The following KIFAP3 variants were observed in gnomAD, a reference collection of about 807,000 sequenced individuals.
KIFAP3 encodes the protein kinesin associated protein 3.
A neutral mutation model predicts 106.5 loss-of-function variants in KIFAP3; 68 were observed. That is an observed-to-expected ratio of 0.64 (90% CI 0.53 to 0.78). The LOEUF (loss-of-function observed/expected upper bound fraction) is 0.78, where lower values mean the gene tolerates loss of function less well. Among genes scored for constraint, KIFAP3 ranks in the 30% least tolerant of loss-of-function variants. The pLI is 0.00. For synonymous variants in KIFAP3, 320 were observed against 311.5 expected (o/e 1.03, Z -0.29); for missense variants, 780 against 941.8 (o/e 0.83, Z 2.25).
intron 19 of KIFAP3, among the ~76,000 whole-genome samples, chr1:169,931,481 A>T (rs1441437748): frequency 2.0e-5 from 3 of 152,212 alleles, no homozygotes; most frequent in Non-Finnish European, 4.4e-5. Context: ...TTTTCTGGCA[A>T]TATTTTAATG....
At chr1:170,031,844 G>A (rs1209171990) in intron 8 of KIFAP3, 42 bp downstream of exon 8, 2 of 1,206,950 alleles carry the variant, frequency 1.7e-6, no homozygotes, top group Non-Finnish European at 1.2e-6. Context: ...TGTATTTGGA[G>A]TAAGTACTTT....
intron 8 of KIFAP3, among the ~76,000 whole-genome samples, chr1:170,030,905 T>C (rs761808153): frequency 1.3e-5 from 2 of 151,802 alleles, no homozygotes; most frequent in African/African-American, 2.4e-5. Flanking sequence ...TTTACATATG[T>C]TAAAATTTAT....
intron 10 of KIFAP3, among the ~76,000 whole-genome samples, chr1:170,010,486 T>C (rs184401161): frequency 7.4e-4 from 112 of 152,088 alleles, no homozygotes; most frequent in African/African-American, 2.4e-3. Context: ...GAGCCTTCCA[T>C]GGAAAAAGGG....
chr1:170,018,949 CTGATTCTT>C lies in KIFAP3; in HGVS notation c.1021-2333_1021-2326del, dbSNP rs1318222203. On this transcript the variant is annotated intron_variant, in intron 9 of 19. Transcript: ENST00000361580. ...CCAAAAATCAAACACAAAATAAGAG[CTGATTCTT>C]TGAAAATACCAAAGCAACTGATAAA... Among the ~76,000 whole-genome samples the C allele has an allele frequency of 1.2e-4, 18 of 152,146 alleles. No homozygotes were observed. In the East Asian group the frequency reaches 3.3e-3, roughly 28 times the overall value.
At chr1:169,944,338 T>G (rs1436969562) in intron 19 of KIFAP3, among the ~76,000 whole-genome samples, 2 of 152,158 alleles carry the variant, frequency 1.3e-5, no homozygotes, top group Admixed American at 1.3e-4. Context: ...CGCACGCAGC[T>G]TCTGCTCTGA....
intron 5 of KIFAP3, among the ~76,000 whole-genome samples, chr1:170,037,220 C>T (rs999465438): frequency 5.9e-5 from 9 of 152,142 alleles, no homozygotes; most frequent in Admixed American, 5.2e-4. Flanking sequence ...GAATTATCTA[C>T]TTCATAAAAG....
chr1:169,938,078 CTAGAAATATGATT>C (rs1663906546), intron 19 of KIFAP3, among the ~76,000 whole-genome samples: 1 of 151,792 alleles, frequency 6.6e-6, no homozygotes, highest in African/African-American at 2.4e-5. Context: ...AGTAGATGGA[CTAGAAATATGATT>C]TTACACACTT....
At chr1:170,079,766 T>C (rs1317089270) in intron 1 of KIFAP3, among the ~76,000 whole-genome samples, 3 of 152,174 alleles carry the variant, frequency 2.0e-5, no homozygotes, top group African/African-American at 7.2e-5. Flanking sequence ...TGGTTCCATA[T>C]GGACTTCAGG....
rs1056714537 is a variant in KIFAP3 at position 170,035,558 on chromosome 1, A to T, written c.518-5T>A. On this transcript the variant is annotated splice_polypyrimidine_tract_variant and splice_region_variant and intron_variant, in intron 5 of 19. Coordinates refer to ENST00000361580, the MANE Select transcript of KIFAP3 (RefSeq NM_014970.4). ...CTAATGCACCAAGGGCAGTTTCTAAAGAAAAAGGAGAGGTACCGAAACGAT... is the reference window on the plus strand; with the variant it reads ...CTAATGCACCAAGGGCAGTTTCTAATGAAAAAGGAGAGGTACCGAAACGAT... The T allele has an allele frequency of 6.4e-7, 1 of 1,572,890 alleles. No homozygotes were observed. The highest frequency in any genetic ancestry group is 8.7e-7 in the Non-Finnish European group (1 of 1,152,998).
chr1:170,079,952 A>G (rs897006362), intron 1 of KIFAP3, among the ~76,000 whole-genome samples: 22 of 152,158 alleles, frequency 1.4e-4, no homozygotes, highest in African/African-American at 5.3e-4. Context: ...AATTATCCCT[A>G]CGTATTTATT....
At chr1:170,075,942 C>T (rs1303757636), upstream of KIFAP3, among the ~76,000 whole-genome samples, 1 of 152,108 alleles carries the variant, frequency 6.6e-6, no homozygotes, top group African/African-American at 2.4e-5. Flanking sequence ...ATTAATTCTG[C>T]AAACTAATGT....
chr1:170,083,973 CG>C (rs1672060971), intron 1 of KIFAP3, among the ~76,000 whole-genome samples: 1 of 152,050 alleles, frequency 6.6e-6, no homozygotes, highest in Non-Finnish European at 1.5e-5. Flanking sequence ...CTAGCCACAG[CG>C]GGGTGTTTAA....
rs756927465 is a variant in KIFAP3, at chr1:169,961,242, AAAAC to A, written c.1984-11_1984-8del. The A allele has an allele frequency of 1.0e-4, 161 of 1,605,008 alleles. No individual in the cohort carries two copies. The highest frequency in any genetic ancestry group is 3.8e-4 in the Admixed American group (23 of 59,868). On this transcript the variant is annotated splice_region_variant and splice_polypyrimidine_tract_variant and intron_variant, in intron 17 of 19. Transcript: ENST00000361580. ...CCCATTCTTCATCATATTCCTATTG[AAAAC>A]AAACAGTCAACTGTTATTATATAAG...
intron 1 of KIFAP3, among the ~76,000 whole-genome samples, chr1:170,084,210 ACT>A (rs1218082822): frequency 1.3e-5 from 2 of 151,992 alleles, no homozygotes; most frequent in Admixed American, 1.3e-4. Flanking sequence ...ATCAAGCAAA[ACT>A]CTTTTTCCTA....
chr1:169,931,414 A>G (rs1409078877), intron 19 of KIFAP3, among the ~76,000 whole-genome samples: 2 of 152,194 alleles, frequency 1.3e-5, no homozygotes, highest in East Asian at 1.9e-4. Context: ...GGAAGTTGTC[A>G]GATGTGATTA....
chr1:170,038,096 T>C (rs1404467818), intron 5 of KIFAP3, among the ~76,000 whole-genome samples, 194 bp downstream of exon 5: 1 of 152,232 alleles, frequency 6.6e-6, no homozygotes, highest in Non-Finnish European at 1.5e-5. Context: ...ATAGTACCAT[T>C]AATGCTTAAT....
chr1:169,968,321 C>CA (rs538724757), intron 17 of KIFAP3, among the ~76,000 whole-genome samples: 329 of 151,928 alleles, frequency 2.2e-3, no homozygotes, highest in Non-Finnish European at 3.9e-3. Context: ...AGAGCCTGTT[C>CA]ACTATCAGGA....
intron 19 of KIFAP3, among the ~76,000 whole-genome samples, chr1:169,936,185 TA>T (rs1663787923): frequency 8.5e-6 from 1 of 117,444 alleles, no homozygotes; most frequent in Non-Finnish European, 1.8e-5. Context: ...GTTCAAAGCC[TA>T]AAATGTTTTG....
chr1:169,984,811 T>A (rs530070717), intron 11 of KIFAP3, 121 bp from the exon 12 acceptor site: 116 of 555,944 alleles, frequency 2.1e-4, no homozygotes, highest in East Asian at 1.6e-3. Flanking sequence ...TATAATTATT[T>A]ACATTTCAAC....
Sources: gnomAD v4.1 joint callset for allele counts (sites outside exome capture counted in the v4.1 genomes callset) on GRCh38, gnomAD v4.1.1 for gene constraint, MANE v1.5 for transcripts, NCBI Gene and HGNC (gene_info 2026-07-23, HGNC 2026-07-21) for gene names.